GXYLT1: variants seen among roughly 807,000 people sequenced by gnomAD.
GXYLT1 encodes glycosyltransferase 8 domain containing 3.
GXYLT1 carries 29 observed loss-of-function variants against 54.0 expected under a neutral mutation model. The observed-to-expected ratio is 0.54, with a 90% CI of 0.40 to 0.73. The LOEUF (loss-of-function observed/expected upper bound fraction) is 0.73, where lower values mean the gene tolerates loss of function less well. GXYLT1 is among the 30% of genes least tolerant of loss of function. The pLI is 0.00. For synonymous variants in GXYLT1, 176 were observed against 204.1 expected (o/e 0.86, Z 1.17); for missense variants, 490 against 553.4 (o/e 0.89, Z 1.15).
At chr12:42,143,700 A>G (rs2065663958) in intron 1 of GXYLT1, among the ~76,000 whole-genome samples, 1 of 152,096 alleles carries the variant, frequency 6.6e-6, no homozygotes, top group Non-Finnish European at 1.5e-5. Flanking sequence ...TTCTATTTAA[A>G]TCTCATGTTG....
intron 5 of GXYLT1, among the ~76,000 whole-genome samples, chr12:42,098,822 C>T (rs2065373543): frequency 8.1e-6 from 1 of 122,798 alleles, no homozygotes; most frequent in Non-Finnish European, 1.7e-5. Flanking sequence ...ATATATCCTG[C>T]CAATTTCTTT....
chr12:42,144,648 G>T lies in GXYLT1; in HGVS notation c.-2C>A. The stretch of plus-strand genomic sequence containing the variant: ...CACGACGCGCAGGTAGCGCCGCATC[G>T]CCCCGGCCGCGCTCCTCCTTCGCCG... On this transcript the variant is annotated 5_prime_UTR_variant, in exon 1 of 8. Transcript: ENST00000398675. The T allele has an allele frequency of 7.1e-7, 1 of 1,404,032 alleles. No homozygotes were observed. Among genetic ancestry groups the T allele is most frequent in the Non-Finnish European group, 9.4e-7 (1 of 1,062,648 alleles). The allele number at this position is 1,404,032 out of a possible 1,614,324, so 87.0% of individuals were successfully genotyped here.
chr12:42,099,246 C>T (rs1476410295), intron 5 of GXYLT1, among the ~76,000 whole-genome samples: 1 of 152,146 alleles, frequency 6.6e-6, no homozygotes, highest in Non-Finnish European at 1.5e-5. Context: ...ATTGGCATAT[C>T]AACACTGTTT....
chr12:42,099,987 T>A (rs2065380361), intron 5 of GXYLT1, among the ~76,000 whole-genome samples: 1 of 152,216 alleles, frequency 6.6e-6, no homozygotes, highest in Admixed American at 6.5e-5. Context: ...ATCTATCAAT[T>A]TATATTTTAT....
chr12:42,093,836 C>G (rs1014660068), intron 7 of GXYLT1, among the ~76,000 whole-genome samples: 7 of 151,892 alleles, frequency 4.6e-5, no homozygotes, highest in African/African-American at 1.7e-4. Flanking sequence ...CTGCGCCCAG[C>G]CAAAGATAGA....
chr12:42,131,265 C>T (rs2065592523), intron 1 of GXYLT1, among the ~76,000 whole-genome samples: 1 of 152,188 alleles, frequency 6.6e-6, no homozygotes, highest in African/African-American at 2.4e-5. Context: ...ACTTCATTAT[C>T]TCATCACTAT....
In GXYLT1 at chr12:42,119,250, G is replaced by A. The variant is rs1482280287; in HGVS notation, c.315-79C>T. 4.2e-6 allele frequency: 5 copies of A among 1,198,744 alleles called. No individual in the cohort carries two copies. The South Asian group carries it at 5.6e-5, about 13-fold the overall frequency. The allele number at this position is 1,198,744 out of a possible 1,614,324, so 74.3% of individuals were successfully genotyped here. On this transcript the variant is annotated intron_variant, in intron 2 of 7. Transcript: ENST00000398675. The stretch of plus-strand genomic sequence containing the variant: ...TGTACTTTCATCATGCTCAAAAAGT[G>A]AAGCTCAAAGCCAGATGTTGTGACT...
chr12:42,109,765 TAAAAC>T (rs1397317622), intron 3 of GXYLT1, 74 bp from the exon 4 acceptor site: 8 of 1,007,398 alleles, frequency 7.9e-6, no homozygotes, highest in Non-Finnish European at 1.2e-5. Flanking sequence ...CAACAGATTA[TAAAAC>T]AAAAGAGCTA....
intron 1 of GXYLT1, among the ~76,000 whole-genome samples, chr12:42,139,194 T>C (rs1431226778): frequency 3.3e-5 from 5 of 151,900 alleles, no homozygotes; most frequent in African/African-American, 1.2e-4. Flanking sequence ...TGAAACCTTG[T>C]CTCAGAAATA....
chr12:42,103,172 T>C (rs1430226787), intron 5 of GXYLT1, among the ~76,000 whole-genome samples: 3 of 152,188 alleles, frequency 2.0e-5, no homozygotes, highest in African/African-American at 4.8e-5. Context: ...TTGGTCAGAC[T>C]GGTCTCACAC....
intron 2 of GXYLT1, among the ~76,000 whole-genome samples, chr12:42,119,551 T>C (rs978366687): frequency 6.6e-6 from 1 of 152,080 alleles, no homozygotes; most frequent in African/African-American, 2.4e-5. Flanking sequence ...GCCAAGTCTG[T>C]AATCCCAGAG....
At chr12:42,106,743 CTTTTTTT>C (rs1231770611) in intron 4 of GXYLT1, among the ~76,000 whole-genome samples, 1 of 127,632 alleles carries the variant, frequency 7.8e-6, no homozygotes. Context: ...TATTATTTTT[CTTTTTTT>C]TTTTTTTTTT....
intron 2 of GXYLT1, among the ~76,000 whole-genome samples, chr12:42,127,152 G>A (rs1341280714): frequency 6.6e-6 from 1 of 152,160 alleles, no homozygotes; most frequent in Non-Finnish European, 1.5e-5. Flanking sequence ...AAAAGTGGTA[G>A]TAAAGGGGAA....
chr12:42,098,382 T>C (rs1303291041), intron 5 of GXYLT1, among the ~76,000 whole-genome samples: 1 of 152,172 alleles, frequency 6.6e-6, no homozygotes, highest in Non-Finnish European at 1.5e-5. Flanking sequence ...TTTAAAGTGC[T>C]TGGAATAGCA....
intron 3 of GXYLT1, among the ~76,000 whole-genome samples, chr12:42,111,212 A>C (rs1445235793): frequency 6.6e-6 from 1 of 152,228 alleles, no homozygotes; most frequent in Non-Finnish European, 1.5e-5. Flanking sequence ...GCAACGCAGA[A>C]GACAGGTGAT....
chr12:42,122,048 A>G (rs2065534625), intron 2 of GXYLT1, among the ~76,000 whole-genome samples: 2 of 152,216 alleles, frequency 1.3e-5, no homozygotes. Flanking sequence ...TGAATGGCGG[A>G]ATCTTGCCAG....
intron 6 of GXYLT1, 74 bp downstream of exon 6, chr12:42,097,836 G>C: frequency 1.7e-6 from 2 of 1,155,598 alleles, no homozygotes; most frequent in East Asian, 4.8e-5. Context: ...AATCAGATAA[G>C]TGCATGTTTT....
At chr12:42,114,959 T>A (rs1335783766) in intron 3 of GXYLT1, among the ~76,000 whole-genome samples, 1 of 152,336 alleles carries the variant, frequency 6.6e-6, no homozygotes, top group Admixed American at 6.5e-5. Context: ...ATCCCTGGAA[T>A]GCAAGGCTGG....
At chr12:42,115,817 G>A (rs986328918) in intron 3 of GXYLT1, among the ~76,000 whole-genome samples, 24 of 150,118 alleles carry the variant, frequency 1.6e-4, no homozygotes, top group Admixed American at 8.0e-4. Flanking sequence ...AGCCTGCGTC[G>A]CCAAGTCAAT....
Sources: allele counts gnomAD v4.1 joint callset (sites outside exome capture counted in the v4.1 genomes callset), GRCh38; gene constraint gnomAD v4.1.1; transcripts MANE v1.5; gene names NCBI Gene and HGNC (gene_info 2026-07-23, HGNC 2026-07-21).